CATSPERB: variants seen among roughly 807,000 people sequenced by gnomAD.
CATSPERB encodes the protein cation channel sperm-associated auxiliary subunit beta.
CATSPERB carries 93 observed loss-of-function variants against 128.3 expected under a neutral mutation model. The ratio of observed to expected loss-of-function variants is 0.72; its 90% confidence interval spans 0.61 to 0.86. The LOEUF (loss-of-function observed/expected upper bound fraction) is 0.86, where lower values mean the gene tolerates loss of function less well. CATSPERB is among the 40% of genes least tolerant of loss of function. CATSPERB has a pLI of 0.00. For synonymous variants in CATSPERB, 381 were observed against 448.8 expected, an observed-to-expected ratio of 0.85 and a Z score of 1.91; for missense variants, 1,153 against 1,329.5, an observed-to-expected ratio of 0.87 and a Z score of 2.06.
chr14:91,616,745 T>C (rs770932622), intron 20 of CATSPERB, among the ~76,000 whole-genome samples: 352 of 143,740 alleles, frequency 2.4e-3, no homozygotes, highest in Admixed American at 5.3e-3. Context: ...TTTTTTTTTT[T>C]TTTTTTTTTT....
At chr14:91,674,102 A>T in intron 12 of CATSPERB, 74 bp downstream of exon 12, 1 of 831,472 alleles carries the variant, frequency 1.2e-6, no homozygotes, top group Non-Finnish European at 2.0e-6. Context: ...GCCATTTTTT[A>T]GATTAATCCC....
At chr14:91,606,708 C>T (rs1364479703) in intron 22 of CATSPERB, among the ~76,000 whole-genome samples, 1 of 152,186 alleles carries the variant, frequency 6.6e-6, no homozygotes, top group Non-Finnish European at 1.5e-5. Context: ...CTATTAGAGT[C>T]CATGAAGCTA....
chr14:91,656,855 G>T (rs569825430), intron 15 of CATSPERB, among the ~76,000 whole-genome samples: 2 of 152,078 alleles, frequency 1.3e-5, no homozygotes, highest in Admixed American at 6.6e-5. Flanking sequence ...GAGAGCAGAA[G>T]TCACTATACT....
At chr14:91,603,398 A>G (rs1893641518) in intron 22 of CATSPERB, 10 of 1,609,416 alleles carry the variant, frequency 6.2e-6, no homozygotes, top group Middle Eastern at 2.0e-4. Flanking sequence ...TATTAAAGGT[A>G]TAAGCAGCAC....
At chr14:91,619,469 T>C (rs1894002379) in intron 19 of CATSPERB, among the ~76,000 whole-genome samples, 3 of 151,986 alleles carry the variant, frequency 2.0e-5, no homozygotes, top group African/African-American at 7.2e-5. Context: ...TTGAGGGAAA[T>C]AGATGTTCTC....
At chr14:91,641,293 G>A (rs1308425249) in intron 15 of CATSPERB, among the ~76,000 whole-genome samples, 1 of 147,812 alleles carries the variant, frequency 6.8e-6, no homozygotes, top group Non-Finnish European at 1.5e-5. Context: ...TTGGTGTTTT[G>A]GACATGAAGT....
intron 1 of CATSPERB, among the ~76,000 whole-genome samples, chr14:91,730,473 C>T (rs531808549): frequency 6.6e-6 from 1 of 152,270 alleles, no homozygotes; most frequent in South Asian, 2.1e-4. Context: ...GTTTAAGCCA[C>T]CCAGTGTATG....
chr14:91,632,141 C>T (rs889495712), intron 17 of CATSPERB, among the ~76,000 whole-genome samples: 1 of 152,048 alleles, frequency 6.6e-6, no homozygotes, highest in Admixed American at 6.5e-5. Flanking sequence ...TTGAACTAAA[C>T]TCTCCAACTA....
Position 91,580,923 on chromosome 14 carries a change from C to T in CATSPERB, c.3317G>A (p.Ser1106Asn), listed in dbSNP as rs751998278. 1 of 1,614,196 alleles carries T rather than the reference C, an allele frequency of 6.2e-7. No individual in the cohort carries two copies. Among genetic ancestry groups the T allele is most frequent in the Non-Finnish European group, 8.5e-7 (1 of 1,180,008 alleles). ...NQEKFSSISL[S>N]ELIHRSKSEE ...AGACTTTGATCTATGAATCAGCTCA[C>T]TGAGAGAGATACTTGAAAACTTCTC... Residue 1106 changes from serine to asparagine, a missense_variant, in exon 27 of 27, where the codon AGT (serine) becomes AAT (asparagine). Ser to Asn is a conservative substitution (Grantham distance 46, BLOSUM62 1). Transcript: ENST00000256343.
At chr14:91,640,145 T>G (rs1894464737) in intron 15 of CATSPERB, among the ~76,000 whole-genome samples, 1 of 152,144 alleles carries the variant, frequency 6.6e-6, no homozygotes, top group Non-Finnish European at 1.5e-5. Flanking sequence ...CTCCTGATCC[T>G]CACGCAAACC....
intron 22 of CATSPERB, among the ~76,000 whole-genome samples, chr14:91,596,514 C>G (rs921091964): frequency 6.6e-6 from 1 of 151,924 alleles, no homozygotes; most frequent in African/African-American, 2.4e-5. Context: ...ATAAATCCAC[C>G]TTTTAAAGAG....
At chr14:91,729,217 T>C (rs1194755854) in intron 2 of CATSPERB, among the ~76,000 whole-genome samples, 184 bp downstream of exon 2, 1 of 152,118 alleles carries the variant, frequency 6.6e-6, no homozygotes, top group Non-Finnish European at 1.5e-5. Flanking sequence ...TGGGCACCTG[T>C]AATCCCAGGT....
At chr14:91,653,394 T>A (rs1368732422) in intron 15 of CATSPERB, among the ~76,000 whole-genome samples, 1 of 152,146 alleles carries the variant, frequency 6.6e-6, no homozygotes, top group Admixed American at 6.5e-5. Context: ...ATCAACAAAA[T>A]CCTGAAGGCT....
intron 12 of CATSPERB, among the ~76,000 whole-genome samples, chr14:91,673,847 C>T (rs567444534): frequency 1.1e-4 from 17 of 151,126 alleles, no homozygotes; most frequent in African/African-American, 1.9e-4. Context: ...CATGCCACTG[C>T]GCTCCAGCCT....
At chr14:91,679,883 C>A (rs1895250616) in intron 11 of CATSPERB, among the ~76,000 whole-genome samples, 2 of 152,104 alleles carry the variant, frequency 1.3e-5, no homozygotes, top group African/African-American at 4.8e-5. Context: ...TTAACAGGTG[C>A]CATTAACTAA....
intron 13 of CATSPERB, 27 bp from the exon 14 acceptor site, chr14:91,669,999 A>G (rs1299542218): frequency 1.3e-6 from 2 of 1,599,740 alleles, no homozygotes; most frequent in Non-Finnish European, 8.5e-7. Context: ...TGAGCAAGTC[A>G]TAAGACTAGT....
At position 91,693,126 on chromosome 14, in the gene CATSPERB, C is replaced by G. The variant is rs372155702; in HGVS notation, c.831G>C (p.Ser277=). Residue 277 remains serine, a splice_region_variant and synonymous_variant, in exon 9 of 27, where the codon TCG becomes TCC. Coordinates refer to ENST00000256343, the MANE Select transcript of CATSPERB (RefSeq NM_024764.4). ...ATTAGTTACAAAGCAATTTACATAC[C>G]GATAAGCTGTGGCGTGATGGATAAC... ...DLRYPSRHSL[S]FSRADFCGFE... 1 of 1,595,376 alleles carries G rather than the reference C, an allele frequency of 6.3e-7. No individual in the cohort carries two copies. Among genetic ancestry groups the G allele is most frequent in the Non-Finnish European group, 8.6e-7 (1 of 1,165,394 alleles).
At chr14:91,603,219 G>A (rs542508385) in intron 22 of CATSPERB, 6 of 842,558 alleles carry the variant, frequency 7.1e-6, no homozygotes, top group African/African-American at 5.0e-5. Context: ...AATAAAATAG[G>A]GCATTCTTTT....
At chr14:91,592,240 G>A (rs1893422102) in intron 22 of CATSPERB, 7 of 489,522 alleles carry the variant, frequency 1.4e-5, no homozygotes, top group South Asian at 1.1e-4. Context: ...CGTTCACCTC[G>A]TGCAGTTGCA....
Sources: allele counts gnomAD v4.1 joint callset (sites outside exome capture counted in the v4.1 genomes callset), GRCh38; gene constraint gnomAD v4.1.1; transcripts MANE v1.5; gene names NCBI Gene and HGNC (gene_info 2026-07-23, HGNC 2026-07-21).